The following PLPP4 variants were observed in gnomAD, a reference collection of about 807,000 sequenced individuals.
The protein encoded by PLPP4 is phospholipid phosphatase 4, also known as diacylglycerol pyrophosphate like 2.
PLPP4 carries 20 observed loss-of-function variants against 32.2 expected under a neutral mutation model. The observed-to-expected ratio is 0.62, with a 90% confidence interval of 0.44 to 0.90. The LOEUF (loss-of-function observed/expected upper bound fraction) is 0.90, where lower values mean the gene tolerates loss of function less well. PLPP4 is among the 40% of genes least tolerant of loss of function. The probability of loss-of-function intolerance (pLI) is 0.00; values close to 1 mark genes in which losing one functional copy is unlikely to be tolerated. For synonymous variants in PLPP4, 127 were observed against 133.0 expected (o/e 0.95, Z 0.31); for missense variants, 257 against 353.1 (o/e 0.73, Z 2.18).
intron 5 of PLPP4, among the ~76,000 whole-genome samples, chr10:120,574,424 A>C (rs1413577606): frequency 3.9e-5 from 6 of 152,154 alleles, no homozygotes; most frequent in African/African-American, 1.4e-4. Context: ...GGGCTTATAC[A>C]TGCTACACTC....
In PLPP4 at chr10:120,591,840, A is replaced by G. The variant is rs1413240573; in HGVS notation, c.*2338A>G. On this transcript the variant is annotated 3_prime_UTR_variant, in exon 7 of 7. Coordinates refer to ENST00000398250, the MANE Select transcript of PLPP4 (RefSeq NM_001030059.3). ...ACTAATGCTGATAATTACATGGAAA[A>G]TCCTAATACTGGCCATGTAAAAGCT... Among the ~76,000 whole-genome samples, 1 of 152,212 alleles carries G rather than the reference A, an allele frequency of 6.6e-6. No individual in the cohort carries two copies. The highest frequency in any genetic ancestry group is 2.4e-5 in the African/African-American group (1 of 41,464).
chr10:120,569,402 G>A (rs758230967), intron 5 of PLPP4, among the ~76,000 whole-genome samples: 30 of 152,208 alleles, frequency 2.0e-4, no homozygotes, highest in South Asian at 1.5e-3. Flanking sequence ...CTTCTTGTGC[G>A]TTGAGCCTGA....
chr10:120,562,131 T>C (rs931367105), intron 5 of PLPP4, among the ~76,000 whole-genome samples: 1 of 152,226 alleles, frequency 6.6e-6, no homozygotes, highest in Non-Finnish European at 1.5e-5. Flanking sequence ...TTTATCCTTC[T>C]CTCTTTAAAG....
At chr10:120,585,151 G>GA (rs1290203184) in intron 6 of PLPP4, among the ~76,000 whole-genome samples, 1 of 152,146 alleles carries the variant, frequency 6.6e-6, no homozygotes, top group African/African-American at 2.4e-5. Context: ...GGGGTTAGAG[G>GA]AAAAACAAAA....
At chr10:120,521,188 A>G (rs1817268774) in intron 5 of PLPP4, 93 bp downstream of exon 5, 4 of 1,455,994 alleles carry the variant, frequency 2.7e-6, no homozygotes, top group South Asian at 1.3e-5. Context: ...GCACTGGTAC[A>G]GGAATGTTAA....
chr10:120,537,992 TTCTCTCTCTCTCTCTCTCTCTCTCTC>T (rs1158226991), intron 5 of PLPP4, among the ~76,000 whole-genome samples: 800 of 18,984 alleles, frequency 0.042, 25 homozygotes, highest in South Asian at 0.088. Context: ...ACCAGGCCCT[TTCTCTCTCTCTCTCTCTCTCTCTCTC>T]TCTCTCTCTC....
chr10:120,589,354 G>T lies in PLPP4; in HGVS notation c.668G>T (p.Arg223Ile). 1 of 1,614,166 alleles carries T rather than the reference G, an allele frequency of 6.2e-7. No individual in the cohort carries two copies. Among genetic ancestry groups the T allele is most frequent in the Non-Finnish European group, 8.5e-7 (1 of 1,180,036 alleles). ...CTCATTTTTGCATACATTTGCTACA[G>T]ACAGCACTATCCTCCTCTGGCCAAC... ...IGLIFAYICY[R>I]QHYPPLANTA... The change falls in exon 7 of 7, where the codon AGA becomes ATA. Residue 223 changes from arginine (R) to isoleucine (I), a missense_variant. By Grantham distance (97) the Arg-to-Ile change is moderately conservative. Coordinates refer to ENST00000398250, the MANE Select transcript of PLPP4 (RefSeq NM_001030059.3).
intron 5 of PLPP4, among the ~76,000 whole-genome samples, chr10:120,559,147 T>C (rs1363664299): frequency 6.6e-6 from 1 of 152,232 alleles, no homozygotes; most frequent in Non-Finnish European, 1.5e-5. Flanking sequence ...TTTTCTCTTA[T>C]ATAACATACC....
intron 1 of PLPP4, among the ~76,000 whole-genome samples, chr10:120,496,079 T>C (rs1231052669): frequency 1.3e-5 from 2 of 152,180 alleles, no homozygotes; most frequent in Admixed American, 1.3e-4. Flanking sequence ...GTATAATCTT[T>C]TGTTATTTAT....
At chr10:120,462,783 C>T (rs1325890455) in intron 1 of PLPP4, among the ~76,000 whole-genome samples, 2 of 148,204 alleles carry the variant, frequency 1.3e-5, no homozygotes, top group African/African-American at 4.9e-5. Context: ...CTTCCATCCG[C>T]TGCCTTTGGG....
At chr10:120,459,978 G>A (rs1436198883) in intron 1 of PLPP4, among the ~76,000 whole-genome samples, 1 of 152,150 alleles carries the variant, frequency 6.6e-6, no homozygotes, top group African/African-American at 2.4e-5. Flanking sequence ...ACTAGGCACA[G>A]TGCTGAGGTT....
chr10:120,536,134 A>C (rs560996088), intron 5 of PLPP4, among the ~76,000 whole-genome samples: 229 of 152,258 alleles, frequency 1.5e-3, no homozygotes, highest in African/African-American at 5.3e-3. Context: ...TAGAGGTTCA[A>C]TACAATCTCT....
intron 5 of PLPP4, among the ~76,000 whole-genome samples, chr10:120,521,476 A>G (rs951143942): frequency 6.6e-6 from 1 of 152,340 alleles, no homozygotes; most frequent in South Asian, 2.1e-4. Context: ...GTACACAAAT[A>G]TATAGCACAT....
chr10:120,555,277 G>T (rs1848104733), intron 5 of PLPP4, among the ~76,000 whole-genome samples: 1 of 152,144 alleles, frequency 6.6e-6, no homozygotes, highest in Non-Finnish European at 1.5e-5. Flanking sequence ...TTTGTCCTAT[G>T]GTTGGTCTGC....
chr10:120,520,893 G>GA lies in PLPP4; in HGVS notation c.321-78_321-77insA, dbSNP rs1846121671. 2.6e-6 allele frequency: 4 copies of GA among 1,561,558 alleles called. No individual in the cohort carries two copies. In the East Asian group the frequency reaches 9.0e-5, roughly 35 times the overall value. ...GCTGAGGAAAGAGCTGGGGGCAGTG[G>GA]GGAGTTGGGGGGGTCAGCTTGGGGT... is the stretch of plus-strand genomic sequence containing the variant. On this transcript the variant is annotated intron_variant, in intron 4 of 6. Transcript: ENST00000398250.
In PLPP4 at chr10:120,589,585, A is replaced by T; in HGVS notation, c.*83A>T. The T allele has an allele frequency of 9.1e-7, 1 of 1,100,282 alleles. No individual in the cohort carries two copies. Among genetic ancestry groups the T allele is most frequent in the Non-Finnish European group, 1.3e-6 (1 of 767,506 alleles). The allele number at this position is 1,100,282 out of a possible 1,614,324, so 68.2% of individuals were successfully genotyped here. A position where few individuals can be genotyped will look rare whatever the true frequency, so the allele number is the denominator to read the frequency against. On this transcript the variant is annotated 3_prime_UTR_variant, in exon 7 of 7. Transcript: ENST00000398250. ...TAACACAATAGAAATGGTTTTCTGT[A>T]GTGTATTTTTCATCAGTTGTTTCTC...
chr10:120,464,633 T>C (rs1848230634), intron 1 of PLPP4, among the ~76,000 whole-genome samples: 1 of 152,198 alleles, frequency 6.6e-6, no homozygotes, highest in Admixed American at 6.5e-5. Context: ...TGCTGGCCCT[T>C]TGCAACAGTG....
chr10:120,495,753 A>G (rs1844932799), intron 1 of PLPP4, among the ~76,000 whole-genome samples: 1 of 152,090 alleles, frequency 6.6e-6, no homozygotes, highest in African/African-American at 2.4e-5. Flanking sequence ...CCTTTTCCCA[A>G]CACACAACCT....
chr10:120,473,132 A>G (rs1314968495), intron 1 of PLPP4, among the ~76,000 whole-genome samples: 1 of 152,116 alleles, frequency 6.6e-6, no homozygotes, highest in African/African-American at 2.4e-5. Flanking sequence ...CTTCCTTTGC[A>G]TGTCTAGTAA....
Sources: gnomAD v4.1 joint callset for allele counts (sites outside exome capture counted in the v4.1 genomes callset) on GRCh38, gnomAD v4.1.1 for gene constraint, MANE v1.5 for transcripts, NCBI Gene and HGNC (gene_info 2026-07-23, HGNC 2026-07-21) for gene names.